FAM234A: variants seen among roughly 807,000 people sequenced by gnomAD.
The protein encoded by FAM234A is family with sequence similarity 234 member A.
Under a neutral mutation model 49.1 loss-of-function variants are expected in FAM234A, and 42 were observed. That is an observed-to-expected ratio of 0.86 (90% CI 0.67 to 1.11). The LOEUF is 1.11. Ranked by LOEUF, FAM234A falls within the 50% of genes least tolerant of loss-of-function variation. FAM234A has a pLI of 0.00. For synonymous variants in FAM234A, 369 were observed against 316.2 expected, an observed-to-expected ratio of 1.17 and a Z score of -1.77; for missense variants, 815 against 745.2, an observed-to-expected ratio of 1.09 and a Z score of -1.09.
downstream of FAM234A, chr16:268,695 C>T (rs945605374): frequency 3.2e-5 from 46 of 1,435,402 alleles, no homozygotes; most frequent in African/African-American, 5.6e-5. Context: ...ACGCGTTTGG[C>T]GAGGGAGGAA....
intron 2 of FAM234A, among the ~76,000 whole-genome samples, chr16:253,187 G>A (rs1005576130): frequency 4.6e-5 from 7 of 152,044 alleles, no homozygotes; most frequent in South Asian, 2.1e-4. Context: ...CTAAGACGGC[G>A]ACTGCCGGTT....
downstream of FAM234A, chr16:269,063 C>T: frequency 9.8e-7 from 1 of 1,020,216 alleles, no homozygotes; most frequent in Non-Finnish European, 1.5e-6. Flanking sequence ...TGGGAATCCA[C>T]ACCTGGACCC....
chr16:268,882 C>G, downstream of FAM234A: 1 of 1,550,558 alleles, frequency 6.4e-7, no homozygotes, highest in Non-Finnish European at 8.7e-7. Flanking sequence ...CCCGCCTGTG[C>G]ATCTTGCTTC....
downstream of FAM234A, chr16:269,153 G>C (rs1006722012): frequency 5.1e-5 from 48 of 941,782 alleles, no homozygotes; most frequent in Admixed American, 7.6e-4. Flanking sequence ...TGGGCACAAG[G>C]GGACACTGGT....
At position 264,801 on chromosome 16, in the gene FAM234A, C is replaced by A. The variant is rs903657105; in HGVS notation, c.1448-10C>A. On this transcript the variant is annotated splice_polypyrimidine_tract_variant and intron_variant, in intron 12 of 12. Coordinates refer to ENST00000399932, the MANE Select transcript of FAM234A (RefSeq NM_032039.4). ...GAGCCGCCCTGACAGCTGTGTCCCC[C>A]ACCCTGCAGCCGTCCTGTTTGAGCC... 5 of 1,607,752 alleles carry A rather than the reference C, an allele frequency of 3.1e-6. No individual in the cohort carries two copies. The South Asian group carries it at 4.4e-5, about 14-fold the overall frequency.
intron 5 of FAM234A, 41 bp downstream of exon 5, chr16:260,201 C>T (rs1006426242): frequency 6.4e-7 from 1 of 1,565,380 alleles, no homozygotes; most frequent in Non-Finnish European, 8.8e-7. Context: ...GAGGGCCTCT[C>T]ACCTGAGCCA....
downstream of FAM234A, chr16:269,182 C>T (rs1448236009): frequency 4.5e-6 from 5 of 1,101,950 alleles, no homozygotes; most frequent in Admixed American, 4.0e-5. Context: ...CAGCAGCCCC[C>T]AGGACCTGGG....
chr16:246,330 G>A (rs1211700094), intron 1 of FAM234A, among the ~76,000 whole-genome samples: 1 of 146,554 alleles, frequency 6.8e-6, no homozygotes, highest in African/African-American at 2.5e-5. Context: ...CCAGGCTGGA[G>A]CACAGTGGTG....
At chr16:256,561 T>A (rs2051241018) in intron 3 of FAM234A, among the ~76,000 whole-genome samples, 1 of 151,758 alleles carries the variant, frequency 6.6e-6, no homozygotes, top group African/African-American at 2.4e-5. Flanking sequence ...AATAATTTAT[T>A]TTTATTTATT....
At chr16:259,673 C>T in intron 4 of FAM234A, 74 bp downstream of exon 4, 2 of 953,232 alleles carry the variant, frequency 2.1e-6, no homozygotes, top group South Asian at 2.7e-5. Context: ...CACCCTCTCG[C>T]TTTCAGTGTT....
At chr16:241,654 A>G (rs2050617359) in intron 1 of FAM234A, among the ~76,000 whole-genome samples, 5 of 152,094 alleles carry the variant, frequency 3.3e-5, no homozygotes, top group African/African-American at 9.7e-5. Flanking sequence ...GCGGTGGCTC[A>G]GGCCTGTAAT....
Position 255,302 on chromosome 16 carries a change from T to C in FAM234A, c.268+621T>C, listed in dbSNP as rs145841309. ...ACCACACCTGGCCCAATTCAGTGAT[T>C]TGTAGTCAGTTTGTAGAGTTATGTA... is the stretch of plus-strand genomic sequence containing the variant. On this transcript the variant is annotated intron_variant, in intron 3 of 12. Transcript: ENST00000399932. Among the ~76,000 whole-genome samples the C allele has an allele frequency of 1.1e-3, 166 of 152,308 alleles. 4 individuals are homozygous for C. The East Asian group carries it at 0.03, about 27-fold the overall frequency.
chr16:247,035 AG>A (rs1456122744), intron 1 of FAM234A: 2 of 151,916 alleles, frequency 1.3e-5, no homozygotes, highest in African/African-American at 2.4e-5. Flanking sequence ...GGCCTCCGAA[AG>A]TGCTGGGATT....
chr16:254,306 C>A, intron 2 of FAM234A, 75 bp from the exon 3 acceptor site: 2 of 1,297,676 alleles, frequency 1.5e-6, no homozygotes, highest in Non-Finnish European at 2.1e-6. Context: ...AAGCCGACGC[C>A]AGCAGACCCC....
chr16:239,336 G>A (rs7200945), intron 1 of FAM234A, among the ~76,000 whole-genome samples: 7,134 of 149,972 alleles, frequency 0.048, 556 homozygotes, highest in African/African-American at 0.16. Context: ...AAATTGTGCC[G>A]GATGCGGTGG....
At chr16:261,585 T>C (rs1370677776) in intron 6 of FAM234A, 71 bp downstream of exon 6, 7 of 1,496,170 alleles carry the variant, frequency 4.7e-6, no homozygotes, top group Non-Finnish European at 5.4e-6. Flanking sequence ...TACCTCCCCA[T>C]CTGCTGCCAC....
intron 2 of FAM234A, among the ~76,000 whole-genome samples, chr16:250,315 T>C (rs1419184225): frequency 6.6e-6 from 1 of 152,174 alleles, no homozygotes; most frequent in Non-Finnish European, 1.5e-5. Flanking sequence ...CGTCTCCTCT[T>C]CTTCCAGCCC....
chr16:257,680 G>T (rs553984621), intron 3 of FAM234A, among the ~76,000 whole-genome samples: 4 of 151,188 alleles, frequency 2.6e-5, no homozygotes, highest in Admixed American at 1.3e-4. Context: ...TCATTTTTGT[G>T]CATGACGTAA....
Position 234,846 on chromosome 16 carries a change from C to G in FAM234A, c.-151C>G, listed in dbSNP as rs1596714789. 6.6e-6 allele frequency: 1 copy of G among 152,620 alleles called. No homozygotes were observed. Among genetic ancestry groups the G allele is most frequent in the East Asian group, 1.9e-4 (1 of 5,172 alleles). 9.5% of individuals were successfully genotyped at this position (152,620 alleles called of 1,614,324 possible). A position where few individuals can be genotyped will look rare whatever the true frequency, so the allele number is the denominator to read the frequency against. On this transcript the variant is annotated 5_prime_UTR_variant, in exon 1 of 13. Transcript: ENST00000399932. ...GCCAGCGGCGCGGTCGGGTGAGAGG[C>G]CGCGGCGGCAGGTGAGTGAGCGCGG... is the stretch of plus-strand genomic sequence containing the variant.
Sources: gnomAD v4.1 joint callset for allele counts (sites outside exome capture counted in the v4.1 genomes callset) on GRCh38, gnomAD v4.1.1 for gene constraint, MANE v1.5 for transcripts, NCBI Gene and HGNC (gene_info 2026-07-23, HGNC 2026-07-21) for gene names.